Variants in AFP observed in about 807,000 individuals in gnomAD.
AFP encodes the protein alpha-fetoprotein.
In AFP, 64 loss-of-function variants were observed where a neutral mutation model predicts 78.9. That is an observed-to-expected ratio of 0.81 (90% CI 0.66 to 1.00). AFP has a LOEUF of 1.00. Among genes scored for constraint, AFP ranks in the 50% least tolerant of loss-of-function variants. The pLI, the probability that AFP is intolerant of heterozygous loss-of-function variation, is 0.00. For synonymous variants in AFP, 254 were observed against 243.8 expected (o/e 1.04, Z -0.39); for missense variants, 689 against 703.8 (o/e 0.98, Z 0.24).
intron 12 of AFP, chr4:73,453,418 C>A (rs907773917): frequency 3.7e-6 from 1 of 269,026 alleles, no homozygotes; most frequent in South Asian, 4.4e-5. Context: ...GGGCAGGATT[C>A]GGAGATCTGG....
At chr4:73,446,385 AT>A (rs1719827061) in intron 7 of AFP, among the ~76,000 whole-genome samples, 1 of 152,212 alleles carries the variant, frequency 6.6e-6, no homozygotes, top group Admixed American at 6.5e-5. Context: ...AAGTGGAAAC[AT>A]TAATTTCAGC....
chr4:73,453,716 G>A lies in AFP; in HGVS notation c.1653-49G>A, dbSNP rs777271443. The A allele has an allele frequency of 1.9e-5, 31 of 1,601,976 alleles. 3 individuals carry two copies. The South Asian group carries it at 3.3e-4, about 17-fold the overall frequency. On this transcript the variant is annotated intron_variant, in intron 12 of 14. Transcript: ENST00000395792. ...CTACTAGGAAGGCTGTAGAAAAATA[G>A]CATTGCATAACAGACTTCTCTTGTA...
intron 7 of AFP, among the ~76,000 whole-genome samples, 172 bp downstream of exon 7, chr4:73,445,294 G>T (rs1719786837): frequency 6.6e-6 from 1 of 151,918 alleles, no homozygotes; most frequent in Non-Finnish European, 1.5e-5. Context: ...ATCTTTTGTT[G>T]ATCCTGGCTT....
chr4:73,455,226 T>G lies in AFP; in HGVS notation c.1786-10T>G, dbSNP rs543187092. On this transcript the variant is annotated splice_polypyrimidine_tract_variant and intron_variant, in intron 13 of 14. Transcript: ENST00000395792. ...TTCTTTATCTGATTATGTTTATTCT[T>G]AATTTTCAGGGACAAAAACTGATTT... 16 of 1,605,696 alleles carry G rather than the reference T, an allele frequency of 1.0e-5. No individual in the cohort carries two copies. The highest frequency in any genetic ancestry group is 1.7e-4 in the Middle Eastern group (1 of 6,020).
rs772820392 is a variant in AFP, at chr4:73,438,211, A to G, written c.175A>G (p.Thr59Ala). 2 of 1,613,510 alleles carry G rather than the reference A, an allele frequency of 1.2e-6. No individual in the cohort carries two copies. Reference sequence around the variant, plus strand: ...TTTTGCCCAGTTTGTTCAAGAAGCCACTTACAAGGAAGTAAGCAAAATGGT... The same window carrying G: ...TTTTGCCCAGTTTGTTCAAGAAGCCGCTTACAAGGAAGTAAGCAAAATGGT... ...IFFAQFVQEA[T>A]YKEVSKMVKD... Residue 59 changes from threonine to alanine, a missense_variant, in exon 3 of 15, where the codon ACT (threonine) becomes GCT (alanine). Coordinates refer to ENST00000395792, the MANE Select transcript of AFP (RefSeq NM_001134.3).
chr4:73,450,253 A>G, intron 10 of AFP, 120 bp downstream of exon 10: 3 of 881,704 alleles, frequency 3.4e-6, no homozygotes, highest in Non-Finnish European at 5.4e-6. Context: ...TGTGGTATTG[A>G]CTTTAAGTTC....
At chr4:73,442,200 T>C (rs538370729) in intron 4 of AFP, 96 bp from the exon 5 acceptor site, 16 of 1,228,840 alleles carry the variant, frequency 1.3e-5, no homozygotes, top group Middle Eastern at 2.0e-4. Context: ...TGTTGTTGTT[T>C]TTGAATCTTT....
At chr4:73,443,561 C>T (rs1719736889) in intron 6 of AFP, 117 bp downstream of exon 6, 3 of 758,560 alleles carry the variant, frequency 4.0e-6, no homozygotes, top group Admixed American at 4.0e-5. Flanking sequence ...TTTGTGACCC[C>T]TTTGATGAGG....
In AFP at chr4:73,455,662, G is replaced by C. The variant is rs749161392; in HGVS notation, c.*42G>C. On this transcript the variant is annotated 3_prime_UTR_variant, in exon 15 of 15. Coordinates refer to ENST00000395792, the MANE Select transcript of AFP (RefSeq NM_001134.3). Reference sequence around the variant, plus strand: ...AGAAGACAAAACGAGTCTTTCATTCGGTGTGAACTTTTCTCTTTAATTTTA... The same window carrying C: ...AGAAGACAAAACGAGTCTTTCATTCCGTGTGAACTTTTCTCTTTAATTTTA... 1.4e-6 allele frequency: 1 copy of C among 695,994 alleles called. No individual in the cohort carries two copies. The highest frequency in any genetic ancestry group is 2.6e-6 in the Non-Finnish European group (1 of 383,038). The allele number at this position is 695,994 out of a possible 1,614,324, so 43.1% of individuals were successfully genotyped here.
At chr4:73,450,461 C>A in intron 10 of AFP, 154 bp from the exon 11 acceptor site, 1 of 993,884 alleles carries the variant, frequency 1.0e-6, no homozygotes, top group Non-Finnish European at 1.5e-6. Flanking sequence ...AGAGTAAATG[C>A]ATCTCAAAAG....
At chr4:73,444,367 T>A (rs1244071470) in intron 6 of AFP, among the ~76,000 whole-genome samples, 2 of 152,222 alleles carry the variant, frequency 1.3e-5, no homozygotes, top group Non-Finnish European at 2.9e-5. Context: ...AGAAGATCCA[T>A]CTTTATCAGA....
intron 11 of AFP, among the ~76,000 whole-genome samples, chr4:73,452,055 A>C (rs1412848113): frequency 6.6e-6 from 1 of 152,204 alleles, no homozygotes. Flanking sequence ...TGGAAAGTTC[A>C]ACTAAATACA....
At chr4:73,451,093 T>G (rs1331606410) in intron 11 of AFP, among the ~76,000 whole-genome samples, 1 of 152,260 alleles carries the variant, frequency 6.6e-6, no homozygotes, top group Non-Finnish European at 1.5e-5. Flanking sequence ...TTCTGCTTTT[T>G]GTTCATATAC....
chr4:73,443,293 G>C lies in AFP; in HGVS notation c.616-54G>C. 3.7e-6 allele frequency: 5 copies of C among 1,338,046 alleles called. No homozygotes were observed. In the South Asian group the frequency reaches 5.9e-5, roughly 16 times the overall value. 82.9% of individuals were successfully genotyped at this position (1,338,046 alleles called of 1,614,324 possible). A position where few individuals can be genotyped will look rare whatever the true frequency, so the allele number is the denominator to read the frequency against. On this transcript the variant is annotated intron_variant, in intron 5 of 14. Coordinates refer to ENST00000395792, the MANE Select transcript of AFP (RefSeq NM_001134.3). ...GTTGTTTTTCTAAATATTAGAGCTT[G>C]TAAAGAAAATGTTAGTATATGCTTT...
In AFP at chr4:73,455,627, G is replaced by A. The variant is rs879630256; in HGVS notation, c.*11-4G>A. ...TATTTAATATATTTTTGCTCATATT[G>A]CAGGGGAAGAGAAGACAAAACGAGT... On this transcript the variant is annotated splice_polypyrimidine_tract_variant and splice_region_variant and intron_variant, in intron 14 of 14. Transcript: ENST00000395792. The A allele has an allele frequency of 1.6e-5, 11 of 692,310 alleles. No homozygotes were observed. The highest frequency in any genetic ancestry group is 4.2e-5 in the Admixed American group (2 of 47,348). 42.9% of individuals were successfully genotyped at this position (692,310 alleles called of 1,614,324 possible).
At chr4:73,440,918 A>G in intron 4 of AFP, 105 bp downstream of exon 4, 1 of 1,092,536 alleles carries the variant, frequency 9.2e-7, no homozygotes. Context: ...TAAGAGGTAT[A>G]ATGTTTCTTT....
At chr4:73,450,952 G>T (rs1719974966) in intron 11 of AFP, among the ~76,000 whole-genome samples, 199 bp downstream of exon 11, 1 of 152,236 alleles carries the variant, frequency 6.6e-6, no homozygotes, top group Admixed American at 6.5e-5. Context: ...TATTCCTCCA[G>T]GGTGGCTGGT....
At chr4:73,444,179 T>C (rs929982689) in intron 6 of AFP, among the ~76,000 whole-genome samples, 9 of 152,148 alleles carry the variant, frequency 5.9e-5, no homozygotes, top group Admixed American at 1.3e-4. Flanking sequence ...AAATTTCTTC[T>C]TGTAAGAAGT....
At chr4:73,441,300 C>T (rs1553890354) in intron 4 of AFP, among the ~76,000 whole-genome samples, 1 of 152,164 alleles carries the variant, frequency 6.6e-6, no homozygotes, top group South Asian at 2.1e-4. Context: ...GGCGCGGTGG[C>T]TCACGCTTGT....
Sources: gnomAD v4.1 joint callset for allele counts (sites outside exome capture counted in the v4.1 genomes callset) on GRCh38, gnomAD v4.1.1 for gene constraint, MANE v1.5 for transcripts, NCBI Gene and HGNC (gene_info 2026-07-23, HGNC 2026-07-21) for gene names.